The following APBB2 variants were observed in gnomAD, a reference collection of about 807,000 sequenced individuals.
The protein encoded by APBB2 is amyloid beta precursor protein binding family B member 2.
Under a neutral mutation model 82.5 loss-of-function variants are expected in APBB2, and 38 were observed. The ratio of observed to expected loss-of-function variants is 0.46; its 90% CI spans 0.36 to 0.60. The LOEUF (loss-of-function observed/expected upper bound fraction) is 0.60, where lower values mean the gene tolerates loss of function less well. Ranked by LOEUF, APBB2 falls within the 20% of genes least tolerant of loss-of-function variation. The probability of loss-of-function intolerance (pLI) is 0.00; values close to 1 mark genes in which losing one functional copy is unlikely to be tolerated. For synonymous variants in APBB2, 341 were observed against 368.2 expected (o/e 0.93, Z 0.85); for missense variants, 772 against 972.3 (o/e 0.79, Z 2.74).
intron 5 of APBB2, among the ~76,000 whole-genome samples, chr4:41,022,621 T>C (rs1407819085): frequency 6.6e-6 from 1 of 152,258 alleles, no homozygotes; most frequent in African/African-American, 2.4e-5. Context: ...TCACTCATGC[T>C]GTTTTACTTT....
intron 12 of APBB2, among the ~76,000 whole-genome samples, chr4:40,868,465 C>A (rs553226239): frequency 3.3e-5 from 5 of 152,172 alleles, no homozygotes; most frequent in Non-Finnish European, 7.3e-5. Flanking sequence ...GATCCAGTAA[C>A]CAATCTGAAC....
intron 12 of APBB2, chr4:40,881,518 C>CATTTA: frequency 5.7e-6 from 1 of 175,818 alleles, no homozygotes; most frequent in Non-Finnish European, 8.5e-6. Flanking sequence ...TTCCTTTTAT[C>CATTTA]TTTTCTTTTC....
chr4:41,195,606 T>C, intron 1 of APBB2, among the ~76,000 whole-genome samples: 1 of 152,142 alleles, frequency 6.6e-6, no homozygotes, highest in Non-Finnish European at 1.5e-5. Flanking sequence ...AAATGTAAGT[T>C]AGATTGTTAC....
In APBB2 at chr4:40,893,470, T is replaced by C. The variant is rs994980686; in HGVS notation, c.1255-59A>G. 2.4e-5 allele frequency: 36 copies of C among 1,500,342 alleles called. No individual in the cohort carries two copies. In the East Asian group the frequency reaches 8.7e-4, roughly 36 times the overall value. The allele number at this position is 1,500,342 out of a possible 1,614,324, so 92.9% of individuals were successfully genotyped here. On this transcript the variant is annotated intron_variant, in intron 10 of 17. Transcript: ENST00000508593. ...CCATGGTTTGGTCAATCATATCAGT[T>C]TACACTACTCCCCTCCCGCAACTAA...
intron 1 of APBB2, among the ~76,000 whole-genome samples, chr4:41,145,579 C>T (rs1386956165): frequency 6.6e-6 from 1 of 152,200 alleles, no homozygotes; most frequent in Non-Finnish European, 1.5e-5. Context: ...AGACACAGCT[C>T]TGCCTAGAAC....
intron 12 of APBB2, among the ~76,000 whole-genome samples, chr4:40,885,856 T>G (rs1770068010): frequency 6.6e-6 from 1 of 152,142 alleles, no homozygotes; most frequent in Non-Finnish European, 1.5e-5. Context: ...AGAGTCCTAG[T>G]GCATCTCAGC....
At chr4:41,186,787 G>A (rs910236915) in intron 1 of APBB2, among the ~76,000 whole-genome samples, 2 of 152,150 alleles carry the variant, frequency 1.3e-5, no homozygotes, top group Non-Finnish European at 2.9e-5. Context: ...GCACTGTTGG[G>A]TGTTCACAGC....
At position 41,039,955 on chromosome 4, in the gene APBB2, T is replaced by C. The variant is rs561457760; in HGVS notation, c.-50-6651A>G. Among the ~76,000 whole-genome samples the C allele has an allele frequency of 5.3e-5, 8 of 152,260 alleles. No individual in the cohort carries two copies. In the East Asian group the frequency reaches 7.7e-4, roughly 15 times the overall value. ...CCAAAAAGCAATGTCCTGGAGATCT[T>C]TGTATACCTGGCATAAGTAAGTGCC... On this transcript the variant is annotated intron_variant, in intron 4 of 17. Transcript: ENST00000508593.
At chr4:41,199,836 A>T (rs1317020071) in intron 1 of APBB2, among the ~76,000 whole-genome samples, 1 of 152,226 alleles carries the variant, frequency 6.6e-6, no homozygotes, top group Non-Finnish European at 1.5e-5. Flanking sequence ...TTTGCTCTAC[A>T]TCAGCTATAC....
intron 12 of APBB2, among the ~76,000 whole-genome samples, chr4:40,868,070 C>A (rs1004554700): frequency 3.3e-5 from 5 of 151,416 alleles, no homozygotes; most frequent in African/African-American, 1.2e-4. Context: ...GCTGCCCAGG[C>A]TGGTCTTGAA....
chr4:41,095,939 T>A (rs1326705503), intron 3 of APBB2, among the ~76,000 whole-genome samples: 2 of 152,200 alleles, frequency 1.3e-5, no homozygotes, highest in Admixed American at 1.3e-4. Context: ...TGGCACCTTT[T>A]CGATCTCAGG....
At chr4:40,907,373 ATATATAT>A (rs1431093326) in intron 10 of APBB2, among the ~76,000 whole-genome samples, 7 of 37,422 alleles carry the variant, frequency 1.9e-4, no homozygotes, top group East Asian at 2.6e-3. Flanking sequence ...ATATATATAT[ATATATAT>A]TTTTTTTTTT....
intron 6 of APBB2, among the ~76,000 whole-genome samples, chr4:40,970,094 T>G (rs1199733749): frequency 1.3e-5 from 2 of 152,196 alleles, no homozygotes; most frequent in Non-Finnish European, 2.9e-5. Context: ...ACAGGATTGT[T>G]TTCTCATTAG....
In APBB2 at chr4:41,013,943, T is replaced by C. The variant is rs1809144340; in HGVS notation, c.475A>G (p.Lys159Glu). 1.2e-6 allele frequency: 2 copies of C among 1,614,080 alleles called. No homozygotes were observed. Among genetic ancestry groups the C allele is most frequent in the Non-Finnish European group, 1.7e-6 (2 of 1,180,044 alleles). ...EILPSQPRRTKSFLNYYADLE... is the reference protein window; with the variant it reads ...EILPSQPRRTESFLNYYADLE... ...TCTGCATAGTAATTTAGGAAGCTCTTAGTTCTCCTGGGCTGGGAGGGTAAA... is the reference window on the plus strand; with the variant it reads ...TCTGCATAGTAATTTAGGAAGCTCTCAGTTCTCCTGGGCTGGGAGGGTAAA... The change falls in exon 6 of 18, where the codon AAG becomes GAG. Residue 159 changes from lysine (K) to glutamate (E), a missense_variant. Coordinates refer to ENST00000508593, the MANE Select transcript of APBB2 (RefSeq NM_004307.2).
At chr4:40,878,624 T>C (rs574220044) in intron 12 of APBB2, among the ~76,000 whole-genome samples, 1 of 152,278 alleles carries the variant, frequency 6.6e-6, no homozygotes, top group African/African-American at 2.4e-5. Context: ...CTTTGGAGTA[T>C]TTCTGGTATA....
At chr4:40,931,592 C>T (rs2154373889) in intron 10 of APBB2, among the ~76,000 whole-genome samples, 1 of 152,282 alleles carries the variant, frequency 6.6e-6, no homozygotes, top group South Asian at 2.1e-4. Context: ...GGCATTCATT[C>T]CATTCATGCT....
intron 3 of APBB2, among the ~76,000 whole-genome samples, chr4:41,074,448 G>C (rs977152518): frequency 9.9e-5 from 15 of 152,156 alleles, no homozygotes; most frequent in Admixed American, 3.9e-4. Flanking sequence ...AGATGCCCCA[G>C]CACTCTTTAT....
chr4:41,134,473 C>G (rs937694203), intron 2 of APBB2, among the ~76,000 whole-genome samples: 3 of 151,996 alleles, frequency 2.0e-5, no homozygotes, highest in African/African-American at 7.2e-5. Context: ...AGTCCCAGCC[C>G]CCAGCCCCCC....
intron 6 of APBB2, among the ~76,000 whole-genome samples, chr4:40,983,705 C>T (rs1003329183): frequency 6.6e-6 from 1 of 152,050 alleles, no homozygotes; most frequent in African/African-American, 2.4e-5. Flanking sequence ...AGCCTCCTGG[C>T]TAGCTGTGAC....
Sources: gnomAD v4.1 joint callset for allele counts (sites outside exome capture counted in the v4.1 genomes callset) on GRCh38, gnomAD v4.1.1 for gene constraint, MANE v1.5 for transcripts, NCBI Gene and HGNC (gene_info 2026-07-23, HGNC 2026-07-21) for gene names.